Variants in IGLON5 observed in about 807,000 individuals in gnomAD.
IGLON5 encodes the protein IgLON family member 5, also known as Ig-like domain-containing protein ENSP00000270642.
A neutral mutation model predicts 38.2 loss-of-function variants in IGLON5; 16 were observed. The ratio of observed to expected loss-of-function variants is 0.42; its 90% CI spans 0.28 to 0.64. The LOEUF (loss-of-function observed/expected upper bound fraction) is 0.64. Ranked by LOEUF, IGLON5 falls within the 30% of genes least tolerant of loss-of-function variation. The pLI, the probability that IGLON5 is intolerant of heterozygous loss-of-function variation, is 0.23. For missense variants in IGLON5, 366 were observed against 483.4 expected (o/e 0.76, Z 2.28); for synonymous variants, 207 against 216.4 (o/e 0.96, Z 0.38).
In IGLON5 at chr19:51,325,370, C is replaced by T. The variant is rs369523136; in HGVS notation, c.416C>T (p.Ser139Leu). ...GTCCCTGCCCGCATTGTGAACATCT[C>T]GTCGCCTGTGACGGTGAATGAGGGG... ...VHVPARIVNI[S>L]SPVTVNEGGN... The change falls in exon 4 of 8, where the codon TCG (serine) becomes TTG (leucine). Residue 139 changes from serine to leucine, a missense_variant. Ser to Leu is a moderately radical substitution (Grantham distance 145). Transcript: ENST00000270642. The surrounding 1 kb of genome is among the most constrained non-coding windows in gnomAD (Gnocchi z 5.5). The T allele has an allele frequency of 3.1e-6, 5 of 1,613,794 alleles. No homozygotes were observed. The Admixed American group carries it at 5.0e-5, about 16-fold the overall frequency.
intron 1 of IGLON5, among the ~76,000 whole-genome samples, chr19:51,319,596 C>T (rs1748362190): frequency 6.6e-6 from 1 of 152,044 alleles, no homozygotes; most frequent in Non-Finnish European, 1.5e-5. Context: ...TGTGTGTGGA[C>T]TTTGCAGCCA....
rs1222440487 is a variant in IGLON5, at chr19:51,329,131, T to TGGGG, written c.*373_*374insGGGG. 1 of 85,014 alleles carries TGGGG rather than the reference T, an allele frequency of 1.2e-5. No homozygotes were observed. Among genetic ancestry groups the TGGGG allele is most frequent in the African/African-American group, 7.2e-5 (1 of 13,964 alleles). The allele number at this position is 85,014 out of a possible 1,614,324, so 5.3% of individuals were successfully genotyped here. On this transcript the variant is annotated 3_prime_UTR_variant, in exon 8 of 8. Coordinates refer to ENST00000270642, the MANE Select transcript of IGLON5 (RefSeq NM_001101372.3). This position sits in a 1 kb window ranked among gnomAD's most constrained non-coding sequence, Gnocchi z 4.3. ...GTGTCTGTGTCTCTGTTTGTGTGTG[T>TGGGG]GTGGGGGGGTGGGCTGGGGGAAGGG...
chr19:51,312,230 A>G (rs183190335), intron 1 of IGLON5, among the ~76,000 whole-genome samples: 2,203 of 150,220 alleles, frequency 0.015, 42 homozygotes, highest in African/African-American at 0.037. Context: ...GCCTGGGGGC[A>G]GGAGTCTGCG....
At position 51,330,439 on chromosome 19, in the gene IGLON5, A is replaced by G. The variant is rs1985330693; in HGVS notation, c.*1680A>G. On this transcript the variant is annotated 3_prime_UTR_variant, in exon 8 of 8. Coordinates refer to ENST00000270642, the MANE Select transcript of IGLON5 (RefSeq NM_001101372.3). ...AGTCAATTGGTGGTGCCTCTCCAGC[A>G]TCATTCCTACCGCCTACTTTCTCAC... 1 of 152,248 alleles carries G rather than the reference A, an allele frequency of 6.6e-6. No homozygotes were observed. 9.4% of individuals were successfully genotyped at this position (152,248 alleles called of 1,614,324 possible).
chr19:51,320,756 G>A (rs1394278878), intron 1 of IGLON5, among the ~76,000 whole-genome samples: 2 of 152,092 alleles, frequency 1.3e-5, no homozygotes, highest in African/African-American at 4.8e-5. Flanking sequence ...GTGCGCACGT[G>A]TTCATATCTG....
intron 1 of IGLON5, 101 bp downstream of exon 1, chr19:51,312,027 C>A (rs982755545): frequency 1.2e-5 from 7 of 593,470 alleles, no homozygotes; most frequent in East Asian, 8.4e-5. Context: ...ATCCCTGGGC[C>A]GGCGCGGGGA....
At chr19:51,312,319 G>A (rs1482740739) in intron 1 of IGLON5, among the ~76,000 whole-genome samples, 2 of 151,984 alleles carry the variant, frequency 1.3e-5, no homozygotes, top group African/African-American at 4.8e-5. Context: ...GTGGGGGGCA[G>A]GGGATAATGC....
intron 1 of IGLON5, 92 bp downstream of exon 1, chr19:51,312,018 T>C: frequency 1.6e-6 from 1 of 616,834 alleles, no homozygotes; most frequent in Non-Finnish European, 2.2e-6. Context: ...GAGGGCTGCA[T>C]CCCTGGGCCG....
At position 51,327,562 on chromosome 19, in the gene IGLON5, G is replaced by A. The variant is rs1985248400; in HGVS notation, c.768-170G>A. ...CCTGAGAGGCCAGGGTGCCTGGAGGGGGGCGGCGGTGGGAGTGACCCGAGG... is the reference window on the plus strand; with the variant it reads ...CCTGAGAGGCCAGGGTGCCTGGAGGAGGGCGGCGGTGGGAGTGACCCGAGG... On this transcript the variant is annotated intron_variant, in intron 6 of 7. Transcript: ENST00000270642. This position sits in a 1 kb window ranked among gnomAD's most constrained non-coding sequence, Gnocchi z 7.1. 6.6e-6 allele frequency among the ~76,000 whole-genome samples: 1 copy of A among 152,142 alleles called. No homozygotes were observed. The highest frequency in any genetic ancestry group is 2.1e-4 in the South Asian group (1 of 4,828).
At chr19:51,315,033 C>T (rs933554941) in intron 1 of IGLON5, among the ~76,000 whole-genome samples, 4 of 152,178 alleles carry the variant, frequency 2.6e-5, no homozygotes, top group Admixed American at 6.5e-5. Context: ...TCTCTGCAAT[C>T]GGCCTTTTCC....
intron 4 of IGLON5, 121 bp from the exon 5 acceptor site, chr19:51,326,643 A>AC: frequency 6.6e-6 from 1 of 150,862 alleles, no homozygotes. Flanking sequence ...ACCCCCATTG[A>AC]CCCGGGCACT....
intron 2 of IGLON5, among the ~76,000 whole-genome samples, chr19:51,323,242 GTGTC>G (rs375201057): frequency 0.28 from 40,021 of 141,798 alleles, 5,896 homozygotes; most frequent in Middle Eastern, 0.4. Flanking sequence ...CTGGGTCTCT[GTGTC>G]TCTCTCTCTC....
At position 51,328,733 on chromosome 19, in the gene IGLON5, C is replaced by T. The variant is rs773044926; in HGVS notation, c.985C>T (p.Leu329=). The change falls in exon 8 of 8, where the codon CTG becomes TTG. Residue 329 remains leucine, a synonymous_variant. Coordinates refer to ENST00000270642, the MANE Select transcript of IGLON5 (RefSeq NM_001101372.3). The part of the protein sequence containing the change: ...PPGLLALLSA[L]GWLWWRM ...AGGGCTCCTGGCCCTCCTCTCCGCC[C>T]TGGGCTGGCTGTGGTGGAGAATGTA... The T allele has an allele frequency of 8.1e-6, 13 of 1,601,032 alleles. No individual in the cohort carries two copies. The highest frequency in any genetic ancestry group is 1.1e-5 in the Non-Finnish European group (13 of 1,174,124).
intron 1 of IGLON5, 37 bp from the exon 2 acceptor site, chr19:51,322,027 T>G: frequency 3.6e-4 from 565 of 1,551,168 alleles, no homozygotes; most frequent in Non-Finnish European, 4.7e-4. Flanking sequence ...GGGCCTTGCC[T>G]GAGCTGCCAA....
Position 51,324,079 on chromosome 19 carries a change from A to T in IGLON5, c.391+185A>T, listed in dbSNP as rs777606333. Among the ~76,000 whole-genome samples, 1 of 152,194 alleles carries T rather than the reference A, an allele frequency of 6.6e-6. No individual in the cohort carries two copies. The highest frequency in any genetic ancestry group is 1.5e-5 in the Non-Finnish European group (1 of 68,036). On this transcript the variant is annotated intron_variant, in intron 3 of 7. Coordinates refer to ENST00000270642, the MANE Select transcript of IGLON5 (RefSeq NM_001101372.3). This position sits in a 1 kb window ranked among gnomAD's most constrained non-coding sequence, Gnocchi z 4.2. ...CAGTTACACAGACAGTGACGCATCA[A>T]CATGATTGCTTCTAGGGCAGGAGAG...
At chr19:51,313,668 T>TTTCC (rs1984835503) in intron 1 of IGLON5, among the ~76,000 whole-genome samples, 1 of 83,120 alleles carries the variant, frequency 1.2e-5, no homozygotes, top group Non-Finnish European at 2.3e-5. Flanking sequence ...TCTTTCTTTC[T>TTTCC]TTCTTTCTTT....
rs571222866 is a variant in IGLON5, at chr19:51,317,430, G to A, written c.80-4634G>A. On this transcript the variant is annotated intron_variant, in intron 1 of 7. Coordinates refer to ENST00000270642, the MANE Select transcript of IGLON5 (RefSeq NM_001101372.3). The stretch of plus-strand genomic sequence containing the variant: ...GATTATCATTTCCATTTCAGGTGGG[G>A]AAACTGAGTCCCAGAGAGGTGAAGT... Among the ~76,000 whole-genome samples, 166 of 152,322 alleles carry A rather than the reference G, an allele frequency of 1.1e-3. 1 individual carries two copies. Among genetic ancestry groups the A allele is most frequent in the African/African-American group, 3.8e-3 (160 of 41,574 alleles).
Position 51,312,386 on chromosome 19 carries a change from G to A in IGLON5, c.79+460G>A, listed in dbSNP as rs945616670. 7.2e-5 allele frequency among the ~76,000 whole-genome samples: 11 copies of A among 152,228 alleles called. No homozygotes were observed. The East Asian group carries it at 7.7e-4, about 11-fold the overall frequency. On this transcript the variant is annotated intron_variant, in intron 1 of 7. Transcript: ENST00000270642. ...GGGTCCCTGAAGAGGTCCTTGCCGG[G>A]GGCTGGGGTAGTCATCTCGGGACAG...
rs1185895995 is a variant in IGLON5, at chr19:51,318,894, C to G, written c.80-3170C>G. 2.6e-5 allele frequency among the ~76,000 whole-genome samples: 4 copies of G among 152,198 alleles called. No homozygotes were observed. The East Asian group carries it at 7.7e-4, about 29-fold the overall frequency. ...CACCTTGGACAGCTCCCTCTTCCCC[C>G]CACTTCTTGGTTCCTGTAGGACAAT... On this transcript the variant is annotated intron_variant, in intron 1 of 7. Coordinates refer to ENST00000270642, the MANE Select transcript of IGLON5 (RefSeq NM_001101372.3).
Sources: gnomAD v4.1 joint callset for allele counts (sites outside exome capture counted in the v4.1 genomes callset) on GRCh38, gnomAD v4.1.1 for gene constraint, Gnocchi (gnomAD v3.1) non-coding constraint, MANE v1.5 for transcripts, NCBI Gene and HGNC (gene_info 2026-07-23, HGNC 2026-07-21) for gene names.